PTPRD: variants seen among roughly 807,000 people sequenced by gnomAD.
PTPRD encodes protein tyrosine phosphatase receptor type D, also known as receptor-type tyrosine-protein phosphatase delta.
A neutral mutation model predicts 214.5 loss-of-function variants in PTPRD; 34 were observed. The observed-to-expected ratio is 0.16, with a 90% CI of 0.12 to 0.21. The LOEUF (loss-of-function observed/expected upper bound fraction) is 0.21, where lower values mean the gene tolerates loss of function less well. Ranked by LOEUF, PTPRD falls within the 10% of genes least tolerant of loss-of-function variation. The pLI, the probability that PTPRD is intolerant of heterozygous loss-of-function variation, is 1.00. For synonymous variants in PTPRD, 1,128 were observed against 845.7 expected, an observed-to-expected ratio of 1.33 and a Z score of -5.79; for missense variants, 2,545 against 2,398.7, an observed-to-expected ratio of 1.06 and a Z score of -1.27.
chr9:8,502,169 T>G (rs906852596), intron 23 of PTPRD, among the ~76,000 whole-genome samples: 33 of 152,052 alleles, frequency 2.2e-4, no homozygotes, highest in African/African-American at 8.0e-4. Flanking sequence ...TTTAAAAAAT[T>G]AAAAATCAAT....
chr9:10,182,483 A>C (rs552675196), intron 3 of PTPRD, among the ~76,000 whole-genome samples: 1 of 152,192 alleles, frequency 6.6e-6, no homozygotes, highest in East Asian at 1.9e-4. Flanking sequence ...TATAACAATC[A>C]TAATAACAAC....
At chr9:10,143,198 G>A (rs144768954) in intron 3 of PTPRD, among the ~76,000 whole-genome samples, 94 of 151,958 alleles carry the variant, frequency 6.2e-4, no homozygotes, top group Middle Eastern at 3.4e-3. Flanking sequence ...TGGGTGCAGC[G>A]CACCGGCATG....
intron 9 of PTPRD, among the ~76,000 whole-genome samples, chr9:9,285,809 T>G (rs1015202449): frequency 1.3e-5 from 2 of 151,828 alleles, no homozygotes; most frequent in African/African-American, 4.8e-5. Context: ...TAATCTCATC[T>G]GCTTTCATGG....
intron 8 of PTPRD, among the ~76,000 whole-genome samples, chr9:9,468,338 A>G (rs1459300646): frequency 6.6e-6 from 1 of 152,132 alleles, no homozygotes; most frequent in Non-Finnish European, 1.5e-5. Flanking sequence ...TATGAAATAC[A>G]TACATTTCAA....
At chr9:9,599,273 G>A (rs745604058) in intron 7 of PTPRD, among the ~76,000 whole-genome samples, 9 of 152,028 alleles carry the variant, frequency 5.9e-5, no homozygotes, top group Admixed American at 2.6e-4. Context: ...TCCGATGCTC[G>A]TTAGGAATAT....
chr9:9,481,034 T>A (rs1218612908), intron 8 of PTPRD, among the ~76,000 whole-genome samples: 1 of 152,062 alleles, frequency 6.6e-6, no homozygotes, highest in East Asian at 1.9e-4. Flanking sequence ...ATGGATTTAA[T>A]TTTAAAGGCA....
chr9:10,199,915 A>G (rs1357943141), intron 3 of PTPRD, among the ~76,000 whole-genome samples: 2 of 151,444 alleles, frequency 1.3e-5, no homozygotes, highest in Non-Finnish European at 3.0e-5. Context: ...ACACACGCAC[A>G]CACACACACA....
chr9:9,244,554 C>T (rs1264801278), intron 9 of PTPRD, among the ~76,000 whole-genome samples: 10 of 152,188 alleles, frequency 6.6e-5, no homozygotes, highest in Admixed American at 2.0e-4. Context: ...CCCTATTTAA[C>T]AAATGGTTAT....
At chr9:9,522,193 T>C (rs891674343) in intron 8 of PTPRD, among the ~76,000 whole-genome samples, 6 of 150,176 alleles carry the variant, frequency 4.0e-5, no homozygotes, top group African/African-American at 9.8e-5. Context: ...TAAATCAGTC[T>C]ATAATTTTGC....
Position 8,527,276 on chromosome 9 carries a change from A to T in PTPRD, c.550+69T>A, listed in dbSNP as rs1592810358. ...AAAATGCATGCCATGCATTTTATTA[A>T]TAATAATAATAATATTCTGGATATG... is the stretch of plus-strand genomic sequence containing the variant. On this transcript the variant is annotated intron_variant, in intron 16 of 45. Transcript: ENST00000381196. 20 of 1,111,278 alleles carry T rather than the reference A, an allele frequency of 1.8e-5. No individual in the cohort carries two copies. The Admixed American group carries it at 4.8e-4, about 26-fold the overall frequency. 68.8% of individuals were successfully genotyped at this position (1,111,278 alleles called of 1,614,324 possible). A position where few individuals can be genotyped will look rare whatever the true frequency, so the allele number is the denominator to read the frequency against.
intron 3 of PTPRD, among the ~76,000 whole-genome samples, chr9:10,123,241 C>G (rs902984626): frequency 6.6e-6 from 1 of 152,154 alleles, no homozygotes; most frequent in African/African-American, 2.4e-5. Flanking sequence ...AAATTTGCCT[C>G]TGGGATTTGG....
intron 7 of PTPRD, among the ~76,000 whole-genome samples, chr9:9,710,600 TTC>T (rs2097707462): frequency 1.3e-5 from 2 of 150,560 alleles, no homozygotes; most frequent in African/African-American, 4.9e-5. Flanking sequence ...ATATCATCTA[TTC>T]TGTTTTTTTT....
chr9:10,069,266 A>G (rs1320145820), intron 3 of PTPRD, among the ~76,000 whole-genome samples: 2 of 151,996 alleles, frequency 1.3e-5, no homozygotes, highest in African/African-American at 4.8e-5. Flanking sequence ...TAAGAAGGCA[A>G]CAAGGTCAAT....
chr9:10,093,923 G>A (rs1016045621), intron 3 of PTPRD, among the ~76,000 whole-genome samples: 10 of 151,184 alleles, frequency 6.6e-5, no homozygotes, highest in African/African-American at 2.4e-4. Context: ...CAGTAGACAC[G>A]GGGGACTACT....
intron 32 of PTPRD, among the ~76,000 whole-genome samples, chr9:8,464,229 G>T (rs189478439): frequency 5.3e-5 from 8 of 151,830 alleles, no homozygotes; most frequent in African/African-American, 1.9e-4. Context: ...TATGCTTTTT[G>T]AAATGTTCCT....
Position 8,352,771 on chromosome 9 carries a change from T to C in PTPRD, c.4662-10793A>G, listed in dbSNP as rs148517531. On this transcript the variant is annotated intron_variant, in intron 39 of 45. Transcript: ENST00000381196. ...ATCATTTTCCCACACAGACAAGATT[T>C]TACTATGTACACAAATGCCAGGAGT... Among the ~76,000 whole-genome samples, 28 of 152,322 alleles carry C rather than the reference T, an allele frequency of 1.8e-4. No individual in the cohort carries two copies. The East Asian group carries it at 4.0e-3, about 22-fold the overall frequency.
chr9:8,518,499 C>G (rs2097826559), intron 20 of PTPRD, 70 bp from the exon 21 acceptor site: 2 of 1,095,138 alleles, frequency 1.8e-6, no homozygotes, highest in Non-Finnish European at 2.6e-6. Flanking sequence ...TCTATAAACT[C>G]TACTATGAAA....
At chr9:9,182,618 G>A (rs2099928854) in intron 10 of PTPRD, among the ~76,000 whole-genome samples, 1 of 152,012 alleles carries the variant, frequency 6.6e-6, no homozygotes, top group African/African-American at 2.4e-5. Flanking sequence ...ACTGCAATGG[G>A]TGAGGAAAAA....
intron 9 of PTPRD, among the ~76,000 whole-genome samples, chr9:9,376,909 A>C (rs976802426): frequency 3.3e-5 from 5 of 151,632 alleles, no homozygotes; most frequent in Middle Eastern, 3.4e-3. Flanking sequence ...CACTAAGAAA[A>C]TTCCAAAAAA....
Sources: allele counts gnomAD v4.1 joint callset (sites outside exome capture counted in the v4.1 genomes callset), GRCh38; gene constraint gnomAD v4.1.1; transcripts MANE v1.5; gene names NCBI Gene and HGNC (gene_info 2026-07-23, HGNC 2026-07-21).